RAD23B: variants seen among roughly 807,000 people sequenced by gnomAD.
RAD23B encodes the protein lysine-specific demethylase RAD23B.
RAD23B carries 5 observed loss-of-function variants against 49.1 expected under a neutral mutation model. The observed-to-expected ratio is 0.10, with a 90% CI of 0.05 to 0.21. RAD23B has a LOEUF of 0.21. Among genes scored for constraint, RAD23B ranks in the 10% least tolerant of loss-of-function variants. RAD23B has a pLI of 1.00. For synonymous variants in RAD23B, 184 were observed against 165.4 expected, an observed-to-expected ratio of 1.11 and a Z score of -0.86; for missense variants, 356 against 486.7, an observed-to-expected ratio of 0.73 and a Z score of 2.53.
In RAD23B at chr9:107,293,098, A is replaced by G. The variant is rs144792557; in HGVS notation, c.67-7043A>G. Among the ~76,000 whole-genome samples the G allele has an allele frequency of 5.0e-3, 758 of 150,730 alleles. 9 individuals carry two copies. The highest frequency in any genetic ancestry group is 0.018 in the African/African-American group (707 of 40,024). Reference sequence around the variant, plus strand: ...CTGAAAGTGACTTCCTCACATGGCTAACAGCTTGGTGATGGTTATTGACTG... The same window carrying G: ...CTGAAAGTGACTTCCTCACATGGCTGACAGCTTGGTGATGGTTATTGACTG... On this transcript the variant is annotated intron_variant, in intron 1 of 9. Coordinates refer to ENST00000358015, the MANE Select transcript of RAD23B (RefSeq NM_002874.5).
chr9:107,290,725 A>G (rs1378572607), intron 1 of RAD23B, among the ~76,000 whole-genome samples: 6 of 152,252 alleles, frequency 3.9e-5, no homozygotes, highest in Non-Finnish European at 5.9e-5. Context: ...CAGTTTTTAA[A>G]CAAATCCTGC....
At position 107,283,388 on chromosome 9, in the gene RAD23B, G is replaced by T; in HGVS notation, c.-242G>T. ...ACTCCGTGGCTGGCGCTCGGCGCGT[G>T]AGGAAGCACGGCGGCCCGAGTTCGC... is the stretch of plus-strand genomic sequence containing the variant. On this transcript the variant is annotated 5_prime_UTR_variant, in exon 1 of 10. Transcript: ENST00000358015. 1 of 429,356 alleles carries T rather than the reference G, an allele frequency of 2.3e-6. No homozygotes were observed. Among genetic ancestry groups the T allele is most frequent in the South Asian group, 7.4e-5 (1 of 13,444 alleles). 26.6% of individuals were successfully genotyped at this position (429,356 alleles called of 1,614,324 possible).
intron 4 of RAD23B, among the ~76,000 whole-genome samples, chr9:107,308,701 G>T (rs7847961): frequency 0.02 from 3,089 of 152,252 alleles, 92 homozygotes; most frequent in African/African-American, 0.067. Flanking sequence ...TACACCAACT[G>T]CTTACTCTTA....
At chr9:107,304,015 A>T (rs1447345492) in intron 3 of RAD23B, among the ~76,000 whole-genome samples, 2 of 152,164 alleles carry the variant, frequency 1.3e-5, no homozygotes, top group Non-Finnish European at 2.9e-5. Context: ...AATGATATTT[A>T]TGATTGTTTT....
chr9:107,319,798 GT>G (rs1827073942), intron 6 of RAD23B, among the ~76,000 whole-genome samples: 1 of 152,170 alleles, frequency 6.6e-6, no homozygotes, highest in African/African-American at 2.4e-5. Flanking sequence ...ATAGGTTGTT[GT>G]GGACATCAAC....
At position 107,283,498 on chromosome 9, in the gene RAD23B, G is replaced by A. The variant is rs11573610; in HGVS notation, c.-132G>A. On this transcript the variant is annotated 5_prime_UTR_variant, in exon 1 of 10. Transcript: ENST00000358015. ...CCGCTCCGCTGGGCGAATGTGACAA[G>A]CCCCCACCCCCACCGCCTTCCTCCC... 2,247 of 588,516 alleles carry A rather than the reference G, an allele frequency of 3.8e-3. 34 individuals carry two copies. The highest frequency in any genetic ancestry group is 0.034 in the African/African-American group (1,721 of 50,906). 36.5% of individuals were successfully genotyped at this position (588,516 alleles called of 1,614,324 possible).
intron 4 of RAD23B, 30 bp downstream of exon 4, chr9:107,306,677 T>G: frequency 6.3e-7 from 1 of 1,585,896 alleles, no homozygotes; most frequent in Non-Finnish European, 8.6e-7. Flanking sequence ...ACATTCTATC[T>G]CAAAATCCGT....
In RAD23B at chr9:107,283,503, C is replaced by T; in HGVS notation, c.-127C>T. ...CCGCTGGGCGAATGTGACAAGCCCCCACCCCCACCGCCTTCCTCCCCAGAG... is the reference window on the plus strand; with the variant it reads ...CCGCTGGGCGAATGTGACAAGCCCCTACCCCCACCGCCTTCCTCCCCAGAG... On this transcript the variant is annotated 5_prime_UTR_variant, in exon 1 of 10. Coordinates refer to ENST00000358015, the MANE Select transcript of RAD23B (RefSeq NM_002874.5). 1.6e-6 allele frequency: 1 copy of T among 616,182 alleles called. No homozygotes were observed. Among genetic ancestry groups the T allele is most frequent in the South Asian group, 3.8e-5 (1 of 26,520 alleles). 38.2% of individuals were successfully genotyped at this position (616,182 alleles called of 1,614,324 possible).
chr9:107,299,088 A>T (rs1030618232), intron 1 of RAD23B, among the ~76,000 whole-genome samples: 2 of 152,300 alleles, frequency 1.3e-5, no homozygotes, highest in South Asian at 4.1e-4. Context: ...AGTGGGTGAC[A>T]TTTCCTTTTG....
chr9:107,305,461 TAGA>T (rs1297092946), intron 3 of RAD23B, among the ~76,000 whole-genome samples: 3 of 151,952 alleles, frequency 2.0e-5, no homozygotes, highest in African/African-American at 4.8e-5. Context: ...ATGGAGGAGG[TAGA>T]AGGAGAGGCA....
rs11573625 is a variant in RAD23B, at chr9:107,289,773, T to C, written c.66+6078T>C. 4.9e-3 allele frequency among the ~76,000 whole-genome samples: 744 copies of C among 152,320 alleles called. 9 individuals are homozygous for C. The highest frequency in any genetic ancestry group is 0.016 in the African/African-American group (673 of 41,576). On this transcript the variant is annotated intron_variant, in intron 1 of 9. Coordinates refer to ENST00000358015, the MANE Select transcript of RAD23B (RefSeq NM_002874.5). ...ATACTAGTATGAAAGTACTAACTTA[T>C]TGGTATATGGGTTTTGAAATAATAT... is the stretch of plus-strand genomic sequence containing the variant.
At chr9:107,315,928 G>C in intron 5 of RAD23B, among the ~76,000 whole-genome samples, 1 of 152,130 alleles carries the variant, frequency 6.6e-6, no homozygotes, top group African/African-American at 2.4e-5. Flanking sequence ...CATGATTTTA[G>C]GAGTCATAGT....
chr9:107,324,083 C>A lies in RAD23B; in HGVS notation c.945+66C>A. 2.6e-6 allele frequency: 4 copies of A among 1,513,986 alleles called. No individual in the cohort carries two copies. The East Asian group carries it at 6.8e-5, about 26-fold the overall frequency. The allele number at this position is 1,513,986 out of a possible 1,614,324, so 93.8% of individuals were successfully genotyped here. On this transcript the variant is annotated intron_variant, in intron 8 of 9. Transcript: ENST00000358015. ...GTCACAATTTGAAAAAGTCCATGAA[C>A]GGTCCTTCCCCTCCTCAAATACAAC...
At position 107,324,875 on chromosome 9, in the gene RAD23B, T is replaced by A; in HGVS notation, c.987T>A (p.Asn329Lys). The A allele has an allele frequency of 6.2e-7, 1 of 1,613,044 alleles. No individual in the cohort carries two copies. Among genetic ancestry groups the A allele is most frequent in the South Asian group, 1.1e-5 (1 of 90,984 alleles). ...QHQEHFIQMLNEPVQEAGGQG... is the reference protein window; with the variant it reads ...QHQEHFIQMLKEPVQEAGGQG... ...AGGAGCATTTTATTCAGATGTTAAA[T>A]GAACCAGTTCAAGAAGCTGGTGGTC... The change falls in exon 9 of 10, where the codon AAT becomes AAA. Residue 329 changes from asparagine to lysine, a missense_variant. Asn to Lys is a moderately conservative substitution (Grantham distance 94, BLOSUM62 0). Transcript: ENST00000358015.
chr9:107,299,209 T>G (rs947984881), intron 1 of RAD23B, among the ~76,000 whole-genome samples: 17 of 152,206 alleles, frequency 1.1e-4, no homozygotes, highest in African/African-American at 3.9e-4. Context: ...AAAAGAAACC[T>G]TTATTTGTAT....
chr9:107,317,366 A>T (rs1480004289), intron 5 of RAD23B, among the ~76,000 whole-genome samples: 1 of 152,116 alleles, frequency 6.6e-6, no homozygotes, highest in Non-Finnish European at 1.5e-5. Context: ...TGCTTAGGTA[A>T]ATAGAGGTGC....
intron 1 of RAD23B, among the ~76,000 whole-genome samples, chr9:107,290,893 T>G (rs1833371207): frequency 6.6e-6 from 1 of 152,216 alleles, no homozygotes; most frequent in Non-Finnish European, 1.5e-5. Context: ...CGTATAGGAT[T>G]CCAGTTAATT....
chr9:107,324,719 TA>T, intron 8 of RAD23B, 114 bp from the exon 9 acceptor site: 1 of 1,075,766 alleles, frequency 9.3e-7, no homozygotes. Flanking sequence ...CCAGAATCAC[TA>T]AATTACGTTT....
At chr9:107,290,662 A>G (rs949563467) in intron 1 of RAD23B, among the ~76,000 whole-genome samples, 7 of 152,250 alleles carry the variant, frequency 4.6e-5, no homozygotes, top group African/African-American at 1.7e-4. Flanking sequence ...AAATCAGGTG[A>G]GATCATGGGC....
Sources: gnomAD v4.1 joint callset for allele counts (sites outside exome capture counted in the v4.1 genomes callset) on GRCh38, gnomAD v4.1.1 for gene constraint, MANE v1.5 for transcripts, NCBI Gene and HGNC (gene_info 2026-07-23, HGNC 2026-07-21) for gene names.